AGO2: variants seen among roughly 807,000 people sequenced by gnomAD.
The protein encoded by AGO2 is argonaute RISC catalytic component 2.
In AGO2, 5 loss-of-function variants were observed where a neutral mutation model predicts 102.3. The observed-to-expected ratio is 0.05, with a 90% CI of 0.03 to 0.10. The LOEUF is 0.10. Ranked by LOEUF, AGO2 falls within the 10% of genes least tolerant of loss-of-function variation. AGO2 has a pLI of 1.00. For missense variants in AGO2, 541 were observed against 1,183.7 expected (o/e 0.46, Z 7.97); for synonymous variants, 449 against 473.1 (o/e 0.95, Z 0.66).
intron 1 of AGO2, among the ~76,000 whole-genome samples, chr8:140,623,540 C>T (rs942928147): frequency 2.0e-5 from 3 of 152,174 alleles, no homozygotes; most frequent in Admixed American, 6.5e-5. Flanking sequence ...CGGCTGGACA[C>T]GGGTCACACC....
Position 140,605,360 on chromosome 8 carries a change from G to A in AGO2, c.23-20049C>T, listed in dbSNP as rs566731627. Reference sequence around the variant, plus strand: ...AATCTGCCTGCGTCAGCTTCCCAACGTGCCGCGATTACAGGTGTGAGCCAA... The same window carrying A: ...AATCTGCCTGCGTCAGCTTCCCAACATGCCGCGATTACAGGTGTGAGCCAA... On this transcript the variant is annotated intron_variant, in intron 1 of 18. Coordinates refer to ENST00000220592, the MANE Select transcript of AGO2 (RefSeq NM_012154.5). Among the ~76,000 whole-genome samples the A allele has an allele frequency of 4.6e-5, 7 of 152,260 alleles. No homozygotes were observed. In the South Asian group the frequency reaches 6.2e-4, roughly 14 times the overall value.
At chr8:140,628,101 G>T (rs1474420634) in intron 1 of AGO2, among the ~76,000 whole-genome samples, 1 of 152,260 alleles carries the variant, frequency 6.6e-6, no homozygotes, top group Non-Finnish European at 1.5e-5. Flanking sequence ...TGTGAAATCA[G>T]CTTCCTAGGT....
At chr8:140,571,192 C>A (rs2132973278) in intron 3 of AGO2, among the ~76,000 whole-genome samples, 1 of 152,298 alleles carries the variant, frequency 6.6e-6, no homozygotes, top group African/African-American at 2.4e-5. Flanking sequence ...CCTCTTAGAA[C>A]CATGAGATCG....
rs910235517 is a variant in AGO2 at position 140,526,000 on chromosome 8, A to C, written c.*6044T>G. 6.6e-6 allele frequency: 1 copy of C among 152,194 alleles called. No individual in the cohort carries two copies. Among genetic ancestry groups the C allele is most frequent in the Non-Finnish European group, 1.5e-5 (1 of 68,036 alleles). The allele number at this position is 152,194 out of a possible 1,614,324, so 9.4% of individuals were successfully genotyped here. A position where few individuals can be genotyped will look rare whatever the true frequency, so the allele number is the denominator to read the frequency against. ...TGGGCCCTGTGTTCTTTTCAAACAAAGGGCCCTGGATTTGAACAGAATGCT... is the reference window on the plus strand; with the variant it reads ...TGGGCCCTGTGTTCTTTTCAAACAACGGGCCCTGGATTTGAACAGAATGCT... On this transcript the variant is annotated 3_prime_UTR_variant, in exon 19 of 19. Transcript: ENST00000220592.
the AGO2 span, among the ~76,000 whole-genome samples, chr8:140,642,150 A>G: frequency 6.6e-6 from 1 of 152,256 alleles, no homozygotes; most frequent in Non-Finnish European, 1.5e-5. Flanking sequence ...AATCTGTGAA[A>G]CATGACTGAG....
At chr8:140,564,178 G>A (rs2977491) in intron 3 of AGO2, among the ~76,000 whole-genome samples, 121,003 of 152,148 alleles carry the variant, frequency 0.8, 48,615 homozygotes, top group East Asian at 0.99. Context: ...GAAGGGCGCC[G>A]CAGCACGATT....
chr8:140,552,969 C>T (rs2073028104), intron 10 of AGO2, among the ~76,000 whole-genome samples: 1 of 152,214 alleles, frequency 6.6e-6, no homozygotes, highest in South Asian at 2.1e-4. Context: ...CTGCTGTACA[C>T]ATTGCTTTCT....
chr8:140,609,529 T>C (rs960069589), intron 1 of AGO2, among the ~76,000 whole-genome samples: 20 of 152,210 alleles, frequency 1.3e-4, no homozygotes, highest in Non-Finnish European at 1.5e-5. Context: ...ATTCTTCCTC[T>C]GCTACAGCTG....
At chr8:140,560,604 C>G in intron 4 of AGO2, 94 bp from the exon 5 acceptor site, 2 of 1,440,658 alleles carry the variant, frequency 1.4e-6, no homozygotes, top group South Asian at 2.6e-5. Flanking sequence ...CCCACCACAC[C>G]CTCATCAGAG....
intron 13 of AGO2, among the ~76,000 whole-genome samples, chr8:140,546,660 C>T (rs1393483191): frequency 4.6e-5 from 7 of 152,228 alleles, no homozygotes; most frequent in African/African-American, 1.4e-4. Flanking sequence ...TCCAACAGAT[C>T]CACGCCACAG....
chr8:140,560,155 C>G (rs924143786), intron 5 of AGO2, among the ~76,000 whole-genome samples: 3 of 152,252 alleles, frequency 2.0e-5, no homozygotes, highest in Non-Finnish European at 4.4e-5. Flanking sequence ...ACCACAGCCT[C>G]TGAGGGTGCG....
Position 140,558,890 on chromosome 8 carries a change from A to G in AGO2, c.791-318T>C, listed in dbSNP as rs569280704. 3.3e-4 allele frequency among the ~76,000 whole-genome samples: 50 copies of G among 152,310 alleles called. No individual in the cohort carries two copies. In the South Asian group the frequency reaches 0.01, roughly 31 times the overall value. On this transcript the variant is annotated intron_variant, in intron 6 of 18. Coordinates refer to ENST00000220592, the MANE Select transcript of AGO2 (RefSeq NM_012154.5). Reference sequence around the variant, plus strand: ...GGATGGCCCTGCAAATGGCCTTCCAAAAGGACGGGTTCAGCGGGCAGGGCT... The same window carrying G: ...GGATGGCCCTGCAAATGGCCTTCCAGAAGGACGGGTTCAGCGGGCAGGGCT...
At chr8:140,640,944 T>C in the AGO2 span, among the ~76,000 whole-genome samples, 2 of 152,140 alleles carry the variant, frequency 1.3e-5, no homozygotes, top group Admixed American at 6.5e-5. Context: ...CTTGGGAGAT[T>C]TGTGTGGATG....
At chr8:140,544,185 A>G (rs2072850541) in intron 14 of AGO2, 28 bp downstream of exon 14, 1 of 1,554,806 alleles carries the variant, frequency 6.4e-7, no homozygotes, top group Admixed American at 2.2e-5. Flanking sequence ...TGTCAATGGA[A>G]GACCCATGGG....
At chr8:140,638,286 T>C (rs1022045778), upstream of AGO2, 1 of 152,236 alleles carries the variant, frequency 6.6e-6, no homozygotes, top group African/African-American at 2.4e-5. Flanking sequence ...TCCTAAAACA[T>C]GTTCTGCACA....
At position 140,597,884 on chromosome 8, in the gene AGO2, G is replaced by A. The variant is rs534991798; in HGVS notation, c.23-12573C>T. 1.4e-4 allele frequency among the ~76,000 whole-genome samples: 22 copies of A among 152,190 alleles called. No individual in the cohort carries two copies. The South Asian group carries it at 3.5e-3, about 24-fold the overall frequency. ...GCACACGCCTGTTCCACTCATCACC[G>A]GGCTGTTGCGTCATCTGCCACCTGG... On this transcript the variant is annotated intron_variant, in intron 1 of 18. Transcript: ENST00000220592.
intron 8 of AGO2, 56 bp from the exon 9 acceptor site, chr8:140,556,342 G>T: frequency 6.3e-7 from 1 of 1,599,238 alleles, no homozygotes. Context: ...GACCAGGGGA[G>T]CAGGCAGGGG....
upstream of AGO2, among the ~76,000 whole-genome samples, chr8:140,639,511 C>T (rs1403980066): frequency 6.7e-6 from 1 of 148,866 alleles, no homozygotes; most frequent in Non-Finnish European, 1.5e-5. Context: ...AGGCCATATG[C>T]AGTGGTTTGT....
At chr8:140,619,543 T>C (rs1377072043) in intron 1 of AGO2, among the ~76,000 whole-genome samples, 4 of 152,112 alleles carry the variant, frequency 2.6e-5, no homozygotes, top group African/African-American at 9.7e-5. Flanking sequence ...GCGGGAGGCC[T>C]GAGGCAAAGG....
Sources: allele counts gnomAD v4.1 joint callset (sites outside exome capture counted in the v4.1 genomes callset), GRCh38; gene constraint gnomAD v4.1.1; transcripts MANE v1.5; gene names NCBI Gene and HGNC (gene_info 2026-07-23, HGNC 2026-07-21).